The following PPFIA2 variants were observed in gnomAD, a reference collection of about 807,000 sequenced individuals.
PPFIA2 encodes liprin-alpha-2.
In PPFIA2, 46 loss-of-function variants were observed where a neutral mutation model predicts 175.5. The ratio of observed to expected loss-of-function variants is 0.26; its 90% confidence interval spans 0.21 to 0.34. The LOEUF (loss-of-function observed/expected upper bound fraction) is 0.34. Among genes scored for constraint, PPFIA2 ranks in the 10% least tolerant of loss-of-function variants. The probability of loss-of-function intolerance (pLI) is 1.00; values close to 1 mark genes in which losing one functional copy is unlikely to be tolerated. For synonymous variants in PPFIA2, 568 were observed against 511.4 expected (o/e 1.11, Z -1.49); for missense variants, 1,179 against 1,506.1 (o/e 0.78, Z 3.60).
intron 17 of PPFIA2, among the ~76,000 whole-genome samples, chr12:81,351,730 C>CA (rs2060035539): frequency 4.6e-5 from 4 of 87,126 alleles, no homozygotes; most frequent in Admixed American, 2.6e-4. Context: ...TATGTCTCTA[C>CA]AAAAAATTAA....
intron 24 of PPFIA2, among the ~76,000 whole-genome samples, chr12:81,285,086 C>T (rs1322817111): frequency 6.6e-6 from 1 of 151,994 alleles, no homozygotes; most frequent in Non-Finnish European, 1.5e-5. Context: ...TATAAAGTCC[C>T]ATTTGCTTTC....
intron 4 of PPFIA2, among the ~76,000 whole-genome samples, chr12:81,563,386 C>T: frequency 6.6e-6 from 1 of 152,200 alleles, no homozygotes; most frequent in Non-Finnish European, 1.5e-5. Context: ...CACAATTACC[C>T]TTCTTAAAGA....
At chr12:81,721,262 A>G (rs1174338959) in intron 3 of PPFIA2, among the ~76,000 whole-genome samples, 1 of 151,178 alleles carries the variant, frequency 6.6e-6, no homozygotes, top group Non-Finnish European at 1.5e-5. Context: ...TCCCTGACCA[A>G]TTTTCTTTAA....
chr12:81,271,211 T>G (rs1460138994), intron 28 of PPFIA2, among the ~76,000 whole-genome samples: 2 of 152,170 alleles, frequency 1.3e-5, no homozygotes, highest in Non-Finnish European at 1.5e-5. Flanking sequence ...TTTGTTCTTT[T>G]TCTCTCTTTC....
chr12:81,259,369 G>A lies in PPFIA2; in HGVS notation c.*325C>T, dbSNP rs896018190. 1 of 597,858 alleles carries A rather than the reference G, an allele frequency of 1.7e-6. No homozygotes were observed. The highest frequency in any genetic ancestry group is 1.6e-5 in the South Asian group (1 of 61,932). 37.0% of individuals were successfully genotyped at this position (597,858 alleles called of 1,614,324 possible). A position where few individuals can be genotyped will look rare whatever the true frequency, so the allele number is the denominator to read the frequency against. Reference sequence around the variant, plus strand: ...ATGCACGGTAATACATAAATGCCTAGTATATTACAATAAAACATGAAAAAC... The same window carrying A: ...ATGCACGGTAATACATAAATGCCTAATATATTACAATAAAACATGAAAAAC... On this transcript the variant is annotated 3_prime_UTR_variant, in exon 33 of 33. Coordinates refer to ENST00000549396, the MANE Select transcript of PPFIA2 (RefSeq NM_003625.5).
At chr12:81,278,495 G>A (rs1042410218) in intron 27 of PPFIA2, among the ~76,000 whole-genome samples, 7 of 149,518 alleles carry the variant, frequency 4.7e-5, no homozygotes, top group South Asian at 2.1e-4. Flanking sequence ...AGCCCAGATC[G>A]TGCCACCGCA....
intron 3 of PPFIA2, among the ~76,000 whole-genome samples, chr12:81,679,490 C>T (rs1278724764): frequency 2.0e-5 from 3 of 151,528 alleles, no homozygotes; most frequent in Non-Finnish European, 4.4e-5. Context: ...TAAGTTGTGC[C>T]AAGTTTCAGA....
intron 9 of PPFIA2, among the ~76,000 whole-genome samples, chr12:81,382,568 T>C (rs2037974317): frequency 6.6e-6 from 1 of 152,228 alleles, no homozygotes; most frequent in Admixed American, 6.6e-5. Flanking sequence ...GGTCCCATTA[T>C]GAATACTTTG....
intron 17 of PPFIA2, chr12:81,350,426 A>G (rs2059815207): frequency 6.6e-6 from 1 of 152,212 alleles, no homozygotes; most frequent in East Asian, 2.0e-4. Flanking sequence ...GAACTGAAGG[A>G]CAGTACTACG....
chr12:81,308,222 G>A (rs2049825063), intron 22 of PPFIA2, among the ~76,000 whole-genome samples: 1 of 152,150 alleles, frequency 6.6e-6, no homozygotes, highest in Non-Finnish European at 1.5e-5. Context: ...TGGTTTGAAA[G>A]AGCAAAGGTT....
At chr12:81,303,351 G>T (rs1007080041) in intron 22 of PPFIA2, among the ~76,000 whole-genome samples, 1 of 151,968 alleles carries the variant, frequency 6.6e-6, no homozygotes, top group Non-Finnish European at 1.5e-5. Flanking sequence ...ACTAAATTTC[G>T]GGGCATACAT....
At chr12:81,663,067 C>T (rs1261429384) in intron 4 of PPFIA2, among the ~76,000 whole-genome samples, 2 of 152,138 alleles carry the variant, frequency 1.3e-5, no homozygotes, top group African/African-American at 2.4e-5. Flanking sequence ...ATAATAAGAG[C>T]TATTTATGAC....
intron 4 of PPFIA2, among the ~76,000 whole-genome samples, chr12:81,547,323 A>C (rs190521878): frequency 6.6e-6 from 1 of 152,278 alleles, no homozygotes; most frequent in Admixed American, 6.5e-5. Context: ...AATTCAGCAC[A>C]CTTCACTGTA....
chr12:81,266,380 A>G (rs2091364316), intron 30 of PPFIA2, among the ~76,000 whole-genome samples: 1 of 152,092 alleles, frequency 6.6e-6, no homozygotes, highest in Admixed American at 6.5e-5. Flanking sequence ...CATGTTTATT[A>G]TTTTCCAAAT....
intron 24 of PPFIA2, among the ~76,000 whole-genome samples, chr12:81,293,408 A>G (rs1394870963): frequency 6.6e-6 from 1 of 152,114 alleles, no homozygotes; most frequent in African/African-American, 2.4e-5. Context: ...CTTTGAAAGA[A>G]AAAGATATTC....
chr12:81,717,866 A>G, intron 3 of PPFIA2, among the ~76,000 whole-genome samples: 1 of 150,930 alleles, frequency 6.6e-6, no homozygotes, highest in East Asian at 2.0e-4. Context: ...GGCAAAACAT[A>G]AAAAAAAACC....
chr12:81,655,219 G>A (rs1204184612), intron 4 of PPFIA2, among the ~76,000 whole-genome samples: 2 of 151,712 alleles, frequency 1.3e-5, no homozygotes, highest in Non-Finnish European at 2.9e-5. Flanking sequence ...ACCCGCCAGA[G>A]AGTTGTCAAT....
rs1161932344 is a variant in PPFIA2, at chr12:81,422,102, GTA to G, written c.646-16201_646-16200del. Among the ~76,000 whole-genome samples the G allele has an allele frequency of 2.7e-5, 4 of 145,464 alleles. No homozygotes were observed. In the South Asian group the frequency reaches 6.5e-4, roughly 24 times the overall value. ...TATATATATGTGTATATATATGTGT[GTA>G]TATATATGTGTATATATATGTGTGT... On this transcript the variant is annotated intron_variant, in intron 7 of 32. Coordinates refer to ENST00000549396, the MANE Select transcript of PPFIA2 (RefSeq NM_003625.5).
At chr12:81,744,325 T>C (rs1031206268) in intron 3 of PPFIA2, among the ~76,000 whole-genome samples, 3 of 152,108 alleles carry the variant, frequency 2.0e-5, no homozygotes, top group African/African-American at 7.2e-5. Flanking sequence ...AGTATAATTA[T>C]ATGAATTCTA....
Sources: gnomAD v4.1 joint callset for allele counts (sites outside exome capture counted in the v4.1 genomes callset) on GRCh38, gnomAD v4.1.1 for gene constraint, MANE v1.5 for transcripts, NCBI Gene and HGNC (gene_info 2026-07-23, HGNC 2026-07-21) for gene names.